CDK6: variants seen among roughly 807,000 people sequenced by gnomAD.
The protein encoded by CDK6 is cyclin-dependent kinase 6.
In CDK6, 6 loss-of-function variants were observed where a neutral mutation model predicts 37.1. The ratio of observed to expected loss-of-function variants is 0.16; its 90% CI spans 0.09 to 0.32. CDK6 has a LOEUF of 0.32. Ranked by LOEUF, CDK6 falls within the 10% of genes least tolerant of loss-of-function variation. The probability of loss-of-function intolerance (pLI) is 1.00; values close to 1 mark genes in which losing one functional copy is unlikely to be tolerated. For missense variants in CDK6, 224 were observed against 418.9 expected, an observed-to-expected ratio of 0.53 and a Z score of 4.06; for synonymous variants, 160 against 161.3, an observed-to-expected ratio of 0.99 and a Z score of 0.06.
chr7:92,622,953 C>T (rs1795838676), intron 6 of CDK6, 83 bp downstream of exon 6: 2 of 814,338 alleles, frequency 2.5e-6, no homozygotes, highest in Non-Finnish European at 4.1e-6. Flanking sequence ...AAGAGATAAA[C>T]ACATGATATG....
At chr7:92,735,764 C>A (rs913190281) in intron 3 of CDK6, among the ~76,000 whole-genome samples, 1 of 152,204 alleles carries the variant, frequency 6.6e-6, no homozygotes, top group East Asian at 1.9e-4. Context: ...GTGACCTTTG[C>A]TCTTGGTTTT....
In CDK6 at chr7:92,656,327, A is replaced by G. The variant is rs184571732; in HGVS notation, c.647+15099T>C. On this transcript the variant is annotated intron_variant, in intron 5 of 7. Transcript: ENST00000424848. ...GGAGGTAGATGCTCAGCGCAAAACA[A>G]AAGAGCAAGGGTATCAGACAGCCAC... 1.7e-3 allele frequency among the ~76,000 whole-genome samples: 265 copies of G among 152,320 alleles called. 1 individual carries two copies. Among genetic ancestry groups the G allele is most frequent in the Non-Finnish European group, 3.1e-3 (208 of 68,028 alleles).
chr7:92,626,912 T>C (rs1347117327), intron 5 of CDK6, among the ~76,000 whole-genome samples: 1 of 152,086 alleles, frequency 6.6e-6, no homozygotes, highest in African/African-American at 2.4e-5. Flanking sequence ...AACATTTCAC[T>C]GAAATTGGAG....
chr7:92,715,984 G>T lies in CDK6; in HGVS notation c.537+9642C>A, dbSNP rs1014009948. Among the ~76,000 whole-genome samples, 8 of 152,290 alleles carry T rather than the reference G, an allele frequency of 5.3e-5. No homozygotes were observed. In the South Asian group the frequency reaches 1.7e-3, roughly 32 times the overall value. The stretch of plus-strand genomic sequence containing the variant: ...GTGATCTCAAATAAAGAGGGATGAA[G>T]CACAATAATTATCTGAAGGTTATGA... On this transcript the variant is annotated intron_variant, in intron 4 of 7. Transcript: ENST00000424848.
chr7:92,664,207 A>G (rs539041216), intron 5 of CDK6, among the ~76,000 whole-genome samples: 1 of 152,142 alleles, frequency 6.6e-6, no homozygotes, highest in Non-Finnish European at 1.5e-5. Context: ...GAAAAAAAAA[A>G]CAAAAACAGA....
At chr7:92,711,506 T>C (rs1359083866) in intron 4 of CDK6, among the ~76,000 whole-genome samples, 1 of 151,382 alleles carries the variant, frequency 6.6e-6, no homozygotes, top group Non-Finnish European at 1.5e-5. Flanking sequence ...GGAAGGATCA[T>C]TGAGGATTTT....
chr7:92,671,399 C>A (rs2116602376), intron 5 of CDK6, 27 bp downstream of exon 5: 1 of 1,375,156 alleles, frequency 7.3e-7, no homozygotes, highest in East Asian at 2.5e-5. Flanking sequence ...TCAAGGAAAG[C>A]AGAGTGAAAC....
chr7:92,769,267 C>T (rs978026834), intron 3 of CDK6, among the ~76,000 whole-genome samples: 8 of 152,046 alleles, frequency 5.3e-5, no homozygotes, highest in South Asian at 4.1e-4. Context: ...ACAGAGAAAA[C>T]GACCCACACA....
intron 7 of CDK6, among the ~76,000 whole-genome samples, chr7:92,616,376 A>T (rs1379862798): frequency 6.6e-6 from 1 of 152,194 alleles, no homozygotes; most frequent in Non-Finnish European, 1.5e-5. Context: ...AGAAAGTTCT[A>T]TGTGTAATTT....
At position 92,710,833 on chromosome 7, in the gene CDK6, C is replaced by T. The variant is rs193300413; in HGVS notation, c.537+14793G>A. 1.8e-5 allele frequency: 18 copies of T among 985,418 alleles called. No individual in the cohort carries two copies. In the Admixed American group the frequency reaches 9.8e-4, roughly 54 times the overall value. 61.0% of individuals were successfully genotyped at this position (985,418 alleles called of 1,614,324 possible). A position where few individuals can be genotyped will look rare whatever the true frequency, so the allele number is the denominator to read the frequency against. On this transcript the variant is annotated intron_variant, in intron 4 of 7. Transcript: ENST00000424848. Reference sequence around the variant, plus strand: ...AGAGGAGACCCGGGCAGACGGATGACTTGGACACCTCTGCACGGAGATGAA... The same window carrying T: ...AGAGGAGACCCGGGCAGACGGATGATTTGGACACCTCTGCACGGAGATGAA...
chr7:92,788,723 G>A (rs1800205795), intron 2 of CDK6, among the ~76,000 whole-genome samples: 1 of 152,176 alleles, frequency 6.6e-6, no homozygotes, highest in African/African-American at 2.4e-5. Flanking sequence ...AGCAGCAAGA[G>A]AGAAGCAACT....
chr7:92,689,302 A>G (rs1256265745), intron 4 of CDK6, among the ~76,000 whole-genome samples: 1 of 152,134 alleles, frequency 6.6e-6, no homozygotes, highest in African/African-American at 2.4e-5. Context: ...ATGTGTCCAC[A>G]TGTTCTCATC....
intron 5 of CDK6, among the ~76,000 whole-genome samples, chr7:92,645,945 A>G (rs910544778): frequency 6.6e-6 from 1 of 152,224 alleles, no homozygotes; most frequent in African/African-American, 2.4e-5. Context: ...AGTCATAAAG[A>G]CTGTGTGATT....
chr7:92,794,825 G>C (rs1215544140), intron 2 of CDK6, among the ~76,000 whole-genome samples: 2 of 152,108 alleles, frequency 1.3e-5, no homozygotes, highest in African/African-American at 4.8e-5. Context: ...CCTGAACCAA[G>C]TCTGATAAAT....
intron 2 of CDK6, among the ~76,000 whole-genome samples, chr7:92,828,149 ATAAT>A (rs1198852508): frequency 1.3e-5 from 2 of 152,096 alleles, no homozygotes; most frequent in African/African-American, 4.8e-5. Context: ...TTAAATTATT[ATAAT>A]TAATTTAAAT....
intron 5 of CDK6, among the ~76,000 whole-genome samples, chr7:92,647,996 T>A (rs1230959841): frequency 6.6e-6 from 1 of 152,226 alleles, no homozygotes; most frequent in Non-Finnish European, 1.5e-5. Flanking sequence ...TTAAACATGA[T>A]AATAGCTTCT....
chr7:92,687,840 T>A (rs1031205604), intron 4 of CDK6, among the ~76,000 whole-genome samples: 1 of 152,224 alleles, frequency 6.6e-6, no homozygotes, highest in African/African-American at 2.4e-5. Flanking sequence ...CCCCTATTTA[T>A]ATAACCATAG....
At chr7:92,746,282 G>C (rs1273548587) in intron 3 of CDK6, among the ~76,000 whole-genome samples, 2 of 152,140 alleles carry the variant, frequency 1.3e-5, no homozygotes, top group Non-Finnish European at 2.9e-5. Flanking sequence ...AGAAGTCTCA[G>C]TCGCTGAACA....
At chr7:92,760,009 T>A (rs1184550159) in intron 3 of CDK6, among the ~76,000 whole-genome samples, 1 of 152,116 alleles carries the variant, frequency 6.6e-6, no homozygotes, top group Non-Finnish European at 1.5e-5. Context: ...TCACGGACAA[T>A]CTCCCTGTAC....
Sources: allele counts gnomAD v4.1 joint callset (sites outside exome capture counted in the v4.1 genomes callset), GRCh38; gene constraint gnomAD v4.1.1; transcripts MANE v1.5; gene names NCBI Gene and HGNC (gene_info 2026-07-23, HGNC 2026-07-21).